PTPRN2: variants seen among roughly 807,000 people sequenced by gnomAD.
PTPRN2 encodes protein tyrosine phosphatase receptor type N2.
In PTPRN2, 74 loss-of-function variants were observed where a neutral mutation model predicts 118.8. The observed-to-expected ratio is 0.62, with a 90% CI of 0.52 to 0.76. The LOEUF is 0.76. Ranked by LOEUF, PTPRN2 falls within the 30% of genes least tolerant of loss-of-function variation. The pLI is 0.00. For missense variants in PTPRN2, 1,481 were observed against 1,394.4 expected (o/e 1.06, Z -0.99); for synonymous variants, 641 against 608.0 (o/e 1.05, Z -0.80).
At chr7:158,098,317 G>A (rs1814831246) in intron 10 of PTPRN2, among the ~76,000 whole-genome samples, 1 of 152,214 alleles carries the variant, frequency 6.6e-6, no homozygotes, top group African/African-American at 2.4e-5. Flanking sequence ...GGGGCTCCCT[G>A]GGGAGGAGGT....
At chr7:158,073,668 C>T (rs749745709) in intron 11 of PTPRN2, among the ~76,000 whole-genome samples, 24 of 151,248 alleles carry the variant, frequency 1.6e-4, no homozygotes, top group Non-Finnish European at 1.8e-4. Flanking sequence ...AGACACTACC[C>T]TTTCTATGCG....
chr7:158,048,824 C>T (rs552756658), intron 11 of PTPRN2, among the ~76,000 whole-genome samples: 69 of 152,052 alleles, frequency 4.5e-4, no homozygotes, highest in Non-Finnish European at 8.4e-4. Context: ...TCATCATCAC[C>T]ATTATCACCA....
rs1388296318 is a variant in PTPRN2 at position 157,785,899 on chromosome 7, G to T, written c.1789-102962C>A. Among the ~76,000 whole-genome samples, 1 of 152,064 alleles carries T rather than the reference G, an allele frequency of 6.6e-6. No individual in the cohort carries two copies. The highest frequency in any genetic ancestry group is 1.5e-5 in the Non-Finnish European group (1 of 67,982). ...AATCACTGGTTTTTTTTGTGTGCGT[G>T]TTCACCAGCCTGCTCACCTGGGTAG... On this transcript the variant is annotated intron_variant, in intron 12 of 22. Coordinates refer to ENST00000389418, the MANE Select transcript of PTPRN2 (RefSeq NM_002847.5). The surrounding 1 kb of genome is among the most constrained non-coding windows in gnomAD (Gnocchi z 7.3).
At chr7:158,153,766 C>T (rs1351206850) in intron 6 of PTPRN2, among the ~76,000 whole-genome samples, 3 of 152,020 alleles carry the variant, frequency 2.0e-5, no homozygotes, top group Non-Finnish European at 4.4e-5. Context: ...GACAAATTTA[C>T]AAGAACCACT....
In PTPRN2 at chr7:157,933,559, TCTGA is replaced by T. The variant is rs1254435844; in HGVS notation, c.1724-34826_1724-34823del. On this transcript the variant is annotated intron_variant, in intron 11 of 22. Coordinates refer to ENST00000389418, the MANE Select transcript of PTPRN2 (RefSeq NM_002847.5). ...CAGTTTTAGAGGAAGGGTGAGTCAC[TCTGA>T]CTGACAGTTTTAGAGGAGGGGTGAG... is the stretch of plus-strand genomic sequence containing the variant. Among the ~76,000 whole-genome samples, 47 of 149,440 alleles carry T rather than the reference TCTGA, an allele frequency of 3.1e-4. 1 individual carries two copies. Among genetic ancestry groups the T allele is most frequent in the Middle Eastern group, 3.8e-3 (1 of 266 alleles).
At chr7:157,767,313 CAAG>C (rs1057308890) in intron 12 of PTPRN2, among the ~76,000 whole-genome samples, 2 of 152,208 alleles carry the variant, frequency 1.3e-5, no homozygotes, top group African/African-American at 4.8e-5. Context: ...AGCTTCTGAA[CAAG>C]AAGGAGGGGT....
At chr7:158,236,630 C>T (rs1175487488) in intron 3 of PTPRN2, among the ~76,000 whole-genome samples, 2 of 152,190 alleles carry the variant, frequency 1.3e-5, no homozygotes, top group Non-Finnish European at 2.9e-5. Flanking sequence ...CTCAGTGGGA[C>T]TCCCCACAGG....
At chr7:158,149,441 T>TAAAAA (rs112794279) in intron 6 of PTPRN2, among the ~76,000 whole-genome samples, 1 of 143,224 alleles carries the variant, frequency 7.0e-6, no homozygotes, top group Admixed American at 7.0e-5. Flanking sequence ...TCTCAAGAGG[T>TAAAAA]AAAAAAAAAA....
intron 12 of PTPRN2, among the ~76,000 whole-genome samples, chr7:157,754,397 C>A (rs1801662804): frequency 6.6e-6 from 1 of 152,232 alleles, no homozygotes; most frequent in Admixed American, 6.5e-5. Context: ...CGGCTTCCAC[C>A]AAACAGGGTG....
chr7:158,134,121 A>G (rs1818613445), intron 8 of PTPRN2, 62 bp from the exon 9 acceptor site: 4 of 1,543,206 alleles, frequency 2.6e-6, no homozygotes, highest in South Asian at 2.5e-5. Context: ...GACACATGCA[A>G]TCAAGGGCTG....
intron 3 of PTPRN2, among the ~76,000 whole-genome samples, chr7:158,310,532 A>G (rs1458714064): frequency 2.0e-5 from 3 of 152,266 alleles, no homozygotes; most frequent in Non-Finnish European, 2.9e-5. Context: ...AGTGCACCTC[A>G]GTGGCAGAGG....
chr7:158,091,419 G>A (rs1814113044), intron 10 of PTPRN2, among the ~76,000 whole-genome samples: 1 of 152,164 alleles, frequency 6.6e-6, no homozygotes, highest in East Asian at 1.9e-4. Flanking sequence ...GAATTTTCTT[G>A]AAAGTTATTT....
At chr7:158,116,470 G>A (rs1401687205) in intron 9 of PTPRN2, among the ~76,000 whole-genome samples, 3 of 152,208 alleles carry the variant, frequency 2.0e-5, no homozygotes, top group Non-Finnish European at 2.9e-5. Flanking sequence ...AGGAGCTACC[G>A]CTACTCACCT....
intron 16 of PTPRN2, among the ~76,000 whole-genome samples, chr7:157,597,956 A>T (rs1207261273): frequency 6.6e-6 from 1 of 152,252 alleles, no homozygotes; most frequent in Non-Finnish European, 1.5e-5. Context: ...TTCTGGGCAG[A>T]AGGATTTTGT....
At chr7:158,152,055 T>A (rs1821238673) in intron 6 of PTPRN2, among the ~76,000 whole-genome samples, 1 of 151,418 alleles carries the variant, frequency 6.6e-6, no homozygotes, top group Non-Finnish European at 1.5e-5. Flanking sequence ...ACGCCTGTAG[T>A]CCCAGCTACT....
At chr7:157,937,817 T>C (rs2128787295) in intron 11 of PTPRN2, among the ~76,000 whole-genome samples, 1 of 152,368 alleles carries the variant, frequency 6.6e-6, no homozygotes, top group East Asian at 1.9e-4. Flanking sequence ...ATCTGCAATC[T>C]GCTCGTCACC....
intron 3 of PTPRN2, among the ~76,000 whole-genome samples, chr7:158,272,575 C>T (rs1475196008): frequency 2.0e-5 from 3 of 152,188 alleles, no homozygotes; most frequent in East Asian, 1.9e-4. Flanking sequence ...TCAAAGACAC[C>T]GCACGCGGCC....
chr7:158,376,703 C>A (rs562244971), intron 2 of PTPRN2, among the ~76,000 whole-genome samples: 1 of 76,802 alleles, frequency 1.3e-5, no homozygotes, highest in Non-Finnish European at 2.4e-5. Context: ...ACGTCCTGCA[C>A]GCGGGGTCAG....
chr7:158,423,162 C>T (rs1033917603), intron 2 of PTPRN2, among the ~76,000 whole-genome samples: 4 of 152,208 alleles, frequency 2.6e-5, no homozygotes, highest in African/African-American at 9.7e-5. Context: ...AGCCTTGATC[C>T]GTGAATAAAC....
Sources: gnomAD v4.1 joint callset for allele counts (sites outside exome capture counted in the v4.1 genomes callset) on GRCh38, gnomAD v4.1.1 for gene constraint, Gnocchi (gnomAD v3.1) non-coding constraint, MANE v1.5 for transcripts, NCBI Gene and HGNC (gene_info 2026-07-23, HGNC 2026-07-21) for gene names.